The following RAPGEF5 variants were observed in gnomAD, a reference collection of about 807,000 sequenced individuals.
RAPGEF5 encodes Rap guanine nucleotide exchange factor 5.
Under a neutral mutation model 125.2 loss-of-function variants are expected in RAPGEF5, and 65 were observed. That is an observed-to-expected ratio of 0.52 (90% confidence interval 0.43 to 0.64). The LOEUF (loss-of-function observed/expected upper bound fraction) is 0.64, where lower values mean the gene tolerates loss of function less well. Ranked by LOEUF, RAPGEF5 falls within the 30% of genes least tolerant of loss-of-function variation. The pLI is 0.00. For synonymous variants in RAPGEF5, 391 were observed against 385.9 expected (o/e 1.01, Z -0.16); for missense variants, 958 against 1,048.1 (o/e 0.91, Z 1.19).
chr7:22,124,586 T>G (rs1782679176), intron 25 of RAPGEF5, among the ~76,000 whole-genome samples: 1 of 152,226 alleles, frequency 6.6e-6, no homozygotes, highest in South Asian at 2.1e-4. Context: ...CTTAAGCAGG[T>G]GTACTCAATT....
chr7:22,284,104 A>T (rs186892847), intron 6 of RAPGEF5, among the ~76,000 whole-genome samples: 78 of 150,358 alleles, frequency 5.2e-4, no homozygotes, highest in African/African-American at 1.9e-3. Context: ...TGCATGTGGC[A>T]ACCTGTATAT....
intron 1 of RAPGEF5, among the ~76,000 whole-genome samples, chr7:22,320,917 G>A (rs1439620040): frequency 1.3e-5 from 2 of 151,808 alleles, no homozygotes; most frequent in Admixed American, 1.3e-4. Flanking sequence ...TTAGATGGCT[G>A]GTCACTCGAT....
In RAPGEF5 at chr7:22,119,676, C is replaced by A. The variant is rs1400621873; in HGVS notation, c.*2730G>T. 6.6e-6 allele frequency: 1 copy of A among 152,174 alleles called. No individual in the cohort carries two copies. The highest frequency in any genetic ancestry group is 1.5e-5 in the Non-Finnish European group (1 of 68,038). 9.4% of individuals were successfully genotyped at this position (152,174 alleles called of 1,614,324 possible). The stretch of plus-strand genomic sequence containing the variant: ...AACAAAAAGAGCCCACTTAGAAGTG[C>A]CCCTGCACCACCTGGTGCCGAAGGT... On this transcript the variant is annotated 3_prime_UTR_variant, in exon 26 of 26. Transcript: ENST00000665637. This position sits in a 1 kb window ranked among gnomAD's most constrained non-coding sequence, Gnocchi z 4.1.
At chr7:22,315,753 T>C (rs1245658793) in intron 2 of RAPGEF5, among the ~76,000 whole-genome samples, 1 of 151,936 alleles carries the variant, frequency 6.6e-6, no homozygotes, top group Non-Finnish European at 1.5e-5. Context: ...CAGTTATAAA[T>C]AATTTTCTTT....
At chr7:22,268,298 G>A (rs1313459644) in intron 6 of RAPGEF5, among the ~76,000 whole-genome samples, 5 of 152,150 alleles carry the variant, frequency 3.3e-5, no homozygotes, top group Non-Finnish European at 5.9e-5. Context: ...TCCAACCTTA[G>A]GAGTTTGAGC....
rs192332904 is a variant in RAPGEF5 at position 22,217,595 on chromosome 7, C to A, written c.996+2271G>T. On this transcript the variant is annotated intron_variant, in intron 9 of 25. Transcript: ENST00000665637. Reference sequence around the variant, plus strand: ...TATCAGCCTTGAGAGTTGAAAGATTCCACTGGTGTCATCCTGCAGAAGGGA... The same window carrying A: ...TATCAGCCTTGAGAGTTGAAAGATTACACTGGTGTCATCCTGCAGAAGGGA... 3.9e-5 allele frequency among the ~76,000 whole-genome samples: 6 copies of A among 152,210 alleles called. No homozygotes were observed. The East Asian group carries it at 1.2e-3, about 29-fold the overall frequency.
chr7:22,258,499 C>T (rs940263253), intron 7 of RAPGEF5, among the ~76,000 whole-genome samples: 1 of 151,918 alleles, frequency 6.6e-6, no homozygotes, highest in African/African-American at 2.4e-5. Flanking sequence ...ACCTGCATGC[C>T]TGCAATCCCA....
chr7:22,157,862 T>C lies in RAPGEF5; in HGVS notation c.1550A>G (p.Gln517Arg). The change falls in exon 15 of 26, where the codon CAA becomes CGA. Residue 517 changes from glutamine (Q) to arginine (R), a missense_variant. Gln to Arg is a conservative substitution (Grantham distance 43). Coordinates refer to ENST00000665637, the MANE Select transcript of RAPGEF5 (RefSeq NM_012294.5). ...RRHTVDEYSP[Q>R]KKNKALFHQF... ...ATAGAAGCATCTGCTTACCTTTTTT[T>C]GTGGTGAATATTCATCTACAGTGCT... 1 of 1,612,468 alleles carries C rather than the reference T, an allele frequency of 6.2e-7. No individual in the cohort carries two copies. The highest frequency in any genetic ancestry group is 1.1e-5 in the South Asian group (1 of 90,986).
intron 21 of RAPGEF5, chr7:22,139,788 G>A (rs1783199242): frequency 2.4e-6 from 1 of 417,692 alleles, no homozygotes; most frequent in Non-Finnish European, 4.4e-6. Context: ...AACGAGCACT[G>A]CACTATCAGG....
At position 22,158,678 on chromosome 7, in the gene RAPGEF5, T is replaced by C. The variant is rs931864986; in HGVS notation, c.1527-793A>G. 2.3e-5 allele frequency among the ~76,000 whole-genome samples: 3 copies of C among 128,634 alleles called. No individual in the cohort carries two copies. In the East Asian group the frequency reaches 6.9e-4, roughly 30 times the overall value. The allele number at this position is 128,634 out of a possible 152,430, so 84.4% of individuals were successfully genotyped here. ...TCTCACTCTCTCACCCAGGCTAGAG[T>C]GCAGTGGCGTGATCACTCTTCACTG... On this transcript the variant is annotated intron_variant, in intron 14 of 25. Transcript: ENST00000665637.
At chr7:22,138,545 C>G (rs1783153281) in intron 21 of RAPGEF5, among the ~76,000 whole-genome samples, 1 of 152,154 alleles carries the variant, frequency 6.6e-6, no homozygotes, top group Admixed American at 6.5e-5. Flanking sequence ...GATGCCCATC[C>G]CCACACTCCA....
At position 22,235,379 on chromosome 7, in the gene RAPGEF5, A is replaced by G. The variant is rs10240122; in HGVS notation, c.797-4460T>C. ...CAAATGTAAAATGTACGTGTCGGTG[A>G]CAGTTCATCACTGCTACAGTCAAGG... On this transcript the variant is annotated intron_variant, in intron 7 of 25. Transcript: ENST00000665637. Among the ~76,000 whole-genome samples the G allele has an allele frequency of 3.3e-3, 509 of 152,332 alleles. 2 individuals carry two copies. The highest frequency in any genetic ancestry group is 0.012 in the African/African-American group (490 of 41,574).
At chr7:22,125,348 GT>G (rs1782703874) in intron 25 of RAPGEF5, 1 of 377,304 alleles carries the variant, frequency 2.7e-6, no homozygotes, top group African/African-American at 2.1e-5. Flanking sequence ...AGGTTTCTGA[GT>G]GTGTAAAGTC....
At chr7:22,261,595 C>T (rs539144026) in intron 7 of RAPGEF5, among the ~76,000 whole-genome samples, 74 of 152,182 alleles carry the variant, frequency 4.9e-4, no homozygotes, top group African/African-American at 1.7e-3. Context: ...CACTGCACTC[C>T]GGCCTAGGCA....
At chr7:22,212,324 T>C (rs1274195416) in intron 9 of RAPGEF5, among the ~76,000 whole-genome samples, 3 of 152,180 alleles carry the variant, frequency 2.0e-5, no homozygotes, top group Non-Finnish European at 2.9e-5. Flanking sequence ...TCACTTTTCA[T>C]AGCTCTCCTG....
At chr7:22,356,563 C>T (rs1405947615) in intron 1 of RAPGEF5, 2 of 161,130 alleles carry the variant, frequency 1.2e-5, no homozygotes, top group Non-Finnish European at 2.5e-5. Context: ...AGCCGATGCC[C>T]GGTCCCGCAG....
intron 1 of RAPGEF5, among the ~76,000 whole-genome samples, chr7:22,324,624 CCTT>C (rs1273310980): frequency 6.6e-6 from 1 of 152,088 alleles, no homozygotes; most frequent in Non-Finnish European, 1.5e-5. Flanking sequence ...AGAATAATGA[CCTT>C]CTTCCTCCCC....
At chr7:22,291,126 C>A in intron 6 of RAPGEF5, 49 bp downstream of exon 6, 1 of 1,519,790 alleles carries the variant, frequency 6.6e-7, no homozygotes, top group East Asian at 2.4e-5. Context: ...TCTAGGACCC[C>A]AGCTTCATTA....
At chr7:22,216,033 C>A (rs1785629600) in intron 9 of RAPGEF5, among the ~76,000 whole-genome samples, 1 of 152,282 alleles carries the variant, frequency 6.6e-6, no homozygotes, top group African/African-American at 2.4e-5. Context: ...TATAAAATAG[C>A]ATGCACATCC....
Sources: gnomAD v4.1 joint callset for allele counts (sites outside exome capture counted in the v4.1 genomes callset) on GRCh38, gnomAD v4.1.1 for gene constraint, Gnocchi (gnomAD v3.1) non-coding constraint, MANE v1.5 for transcripts, NCBI Gene and HGNC (gene_info 2026-07-23, HGNC 2026-07-21) for gene names.